The following ROBO1 variants were observed in gnomAD, a reference collection of about 807,000 sequenced individuals.
ROBO1 encodes the protein roundabout homolog 1.
ROBO1 carries 149 observed loss-of-function variants against 195.9 expected under a neutral mutation model. The observed-to-expected ratio is 0.76, with a 90% CI of 0.67 to 0.87. The LOEUF is 0.87. ROBO1 is among the 40% of genes least tolerant of loss of function. The pLI, the probability that ROBO1 is intolerant of heterozygous loss-of-function variation, is 0.00. For synonymous variants in ROBO1, 816 were observed against 733.2 expected (o/e 1.11, Z -1.82); for missense variants, 1,933 against 2,068.3 (o/e 0.93, Z 1.27).
chr3:78,662,242 C>G, intron 14 of ROBO1, 128 bp from the exon 15 acceptor site: 5 of 508,376 alleles, frequency 9.8e-6, no homozygotes, highest in Non-Finnish European at 1.4e-5. Flanking sequence ...GGCTGTGATT[C>G]GGAAAAAAAA....
intron 2 of ROBO1, among the ~76,000 whole-genome samples, chr3:79,145,372 TACACACACACACACACAC>T (rs71127376): frequency 1.4e-5 from 1 of 72,952 alleles, no homozygotes. Context: ...CACACACACA[TACACACACACACACACAC>T]ACACACACAC....
intron 2 of ROBO1, among the ~76,000 whole-genome samples, chr3:79,420,710 G>T (rs2038189441): frequency 1.3e-5 from 2 of 152,092 alleles, no homozygotes; most frequent in Admixed American, 6.6e-5. Context: ...GATCTTAAAA[G>T]AACCCATTAA....
intron 2 of ROBO1, 116 bp downstream of exon 2, chr3:79,589,708 T>TA: frequency 3.7e-6 from 3 of 810,726 alleles, no homozygotes; most frequent in Non-Finnish European, 6.2e-6. Context: ...CACACAGACT[T>TA]ACAAGTTCCA....
At chr3:79,648,586 T>G (rs1361378519) in intron 1 of ROBO1, among the ~76,000 whole-genome samples, 5 of 152,016 alleles carry the variant, frequency 3.3e-5, no homozygotes, top group Non-Finnish European at 7.4e-5. Context: ...GATAGGAGAT[T>G]TAGAAATGAG....
At chr3:78,679,577 A>G (rs1174067303) in intron 10 of ROBO1, among the ~76,000 whole-genome samples, 1 of 152,152 alleles carries the variant, frequency 6.6e-6, no homozygotes, top group Non-Finnish European at 1.5e-5. Flanking sequence ...CCCATTCACA[A>G]TTGCTTCAAA....
intron 4 of ROBO1, among the ~76,000 whole-genome samples, chr3:78,755,711 G>A (rs1357129928): frequency 6.6e-6 from 1 of 152,122 alleles, no homozygotes; most frequent in East Asian, 1.9e-4. Context: ...AACTGATCAT[G>A]CCATTTTCAA....
At chr3:78,982,884 G>A (rs2107999430) in intron 3 of ROBO1, among the ~76,000 whole-genome samples, 1 of 152,120 alleles carries the variant, frequency 6.6e-6, no homozygotes, top group South Asian at 2.1e-4. Context: ...CTCCCAAAGT[G>A]TTGGGATTAC....
chr3:79,171,706 A>T (rs191559543), intron 2 of ROBO1, among the ~76,000 whole-genome samples: 24 of 152,064 alleles, frequency 1.6e-4, no homozygotes, highest in Non-Finnish European at 2.7e-4. Flanking sequence ...CTTGTTACAT[A>T]AAAAAAATCA....
chr3:79,469,731 G>A (rs969961971), intron 2 of ROBO1, among the ~76,000 whole-genome samples: 21 of 152,066 alleles, frequency 1.4e-4, no homozygotes, highest in African/African-American at 5.1e-4. Flanking sequence ...CCTAATAAAT[G>A]TTGGTAATAT....
At chr3:79,166,569 T>TTTTTTTTA (rs1553693463) in intron 2 of ROBO1, among the ~76,000 whole-genome samples, 3 of 149,864 alleles carry the variant, frequency 2.0e-5, no homozygotes, top group Non-Finnish European at 3.0e-5. Context: ...TCTTTTTTTT[T>TTTTTTTTA]TTTTTTTTAT....
chr3:79,497,586 G>A (rs1199709762), intron 2 of ROBO1, among the ~76,000 whole-genome samples: 2 of 152,074 alleles, frequency 1.3e-5, no homozygotes, highest in Non-Finnish European at 2.9e-5. Context: ...GCTGACCGAT[G>A]CTAAATATTA....
chr3:79,400,396 G>T (rs149332228), intron 2 of ROBO1, among the ~76,000 whole-genome samples: 1 of 151,956 alleles, frequency 6.6e-6, no homozygotes, highest in Admixed American at 6.6e-5. Flanking sequence ...CAAATTTAGC[G>T]TATGGATTCC....
chr3:79,398,180 C>T (rs972538489), intron 2 of ROBO1, among the ~76,000 whole-genome samples: 8 of 152,046 alleles, frequency 5.3e-5, no homozygotes, highest in Non-Finnish European at 1.2e-4. Context: ...GGTTTGGTCT[C>T]AACACACCCT....
At position 79,323,883 on chromosome 3, in the gene ROBO1, C is replaced by T. The variant is rs77330364; in HGVS notation, c.89-198344G>A. Among the ~76,000 whole-genome samples, 1,312 of 152,208 alleles carry T rather than the reference C, an allele frequency of 8.6e-3. 15 individuals carry two copies. The highest frequency in any genetic ancestry group is 0.014 in the Non-Finnish European group (964 of 68,002). On this transcript the variant is annotated intron_variant, in intron 2 of 30. Transcript: ENST00000464233. ...ACCCAGTAGTATAGATGTATGCCCCCCGAGTAGTGTTAATCTGTTTATTGC... is the reference window on the plus strand; with the variant it reads ...ACCCAGTAGTATAGATGTATGCCCCTCGAGTAGTGTTAATCTGTTTATTGC...
At chr3:79,285,048 G>C (rs1379720060) in intron 2 of ROBO1, among the ~76,000 whole-genome samples, 1 of 152,044 alleles carries the variant, frequency 6.6e-6, no homozygotes, top group Non-Finnish European at 1.5e-5. Flanking sequence ...TCATTCAGTT[G>C]ATTTTTATAA....
rs151193303 is a variant in ROBO1, at chr3:79,161,024, C to G, written c.89-35485G>C. 2.6e-5 allele frequency among the ~76,000 whole-genome samples: 4 copies of G among 152,110 alleles called. No homozygotes were observed. The East Asian group carries it at 7.7e-4, about 29-fold the overall frequency. On this transcript the variant is annotated intron_variant, in intron 2 of 30. Transcript: ENST00000464233. ...TCTGATAGATATGCTTTCCTTTAAA[C>G]CTCCTCATTAGAATGATAAAAAGTC...
At chr3:79,089,474 T>C (rs915781063) in intron 3 of ROBO1, among the ~76,000 whole-genome samples, 14 of 152,200 alleles carry the variant, frequency 9.2e-5, no homozygotes, top group Admixed American at 9.2e-4. Context: ...TTCTAGTTTG[T>C]CACTATTACA....
At chr3:79,716,887 C>T (rs1702509868) in intron 1 of ROBO1, among the ~76,000 whole-genome samples, 1 of 151,910 alleles carries the variant, frequency 6.6e-6, no homozygotes, top group Non-Finnish European at 1.5e-5. Flanking sequence ...AGGTGTAAGG[C>T]AAACACTTTA....
intron 4 of ROBO1, among the ~76,000 whole-genome samples, chr3:78,911,145 G>A (rs906153774): frequency 6.6e-6 from 1 of 151,980 alleles, no homozygotes; most frequent in African/African-American, 2.4e-5. Context: ...TAATGTGTAA[G>A]TAACAGAAGT....
Sources: allele counts gnomAD v4.1 joint callset (sites outside exome capture counted in the v4.1 genomes callset), GRCh38; gene constraint gnomAD v4.1.1; transcripts MANE v1.5; gene names NCBI Gene and HGNC (gene_info 2026-07-23, HGNC 2026-07-21).